CDH4: variants seen among roughly 807,000 people sequenced by gnomAD.
The protein encoded by CDH4 is cadherin 4.
Under a neutral mutation model 86.0 loss-of-function variants are expected in CDH4, and 33 were observed. The observed-to-expected ratio is 0.38, with a 90% CI of 0.29 to 0.51. CDH4 has a LOEUF of 0.51. CDH4 is among the 20% of genes least tolerant of loss of function. The pLI, the probability that CDH4 is intolerant of heterozygous loss-of-function variation, is 0.86. For synonymous variants in CDH4, 555 were observed against 549.4 expected (o/e 1.01, Z -0.14); for missense variants, 1,114 against 1,307.4 (o/e 0.85, Z 2.28).
chr20:61,923,057 C>G (rs1287578432), intron 9 of CDH4, among the ~76,000 whole-genome samples: 1 of 152,236 alleles, frequency 6.6e-6, no homozygotes, highest in Non-Finnish European at 1.5e-5. Flanking sequence ...ACTGGTGAGG[C>G]CCCGCTGGCC....
intron 2 of CDH4, among the ~76,000 whole-genome samples, chr20:61,716,061 G>C (rs1427281454): frequency 3.3e-5 from 5 of 152,216 alleles, no homozygotes; most frequent in Non-Finnish European, 7.3e-5. Flanking sequence ...TCTGGAGGTG[G>C]CTTCTTTTGC....
At chr20:61,475,815 A>G (rs938103240) in intron 2 of CDH4, among the ~76,000 whole-genome samples, 2 of 151,272 alleles carry the variant, frequency 1.3e-5, no homozygotes, top group African/African-American at 4.9e-5. Flanking sequence ...ATCACGAACT[A>G]CAAATGAACA....
intron 4 of CDH4, among the ~76,000 whole-genome samples, chr20:61,843,697 A>G (rs1982292066): frequency 6.6e-6 from 1 of 152,020 alleles, no homozygotes; most frequent in African/African-American, 2.4e-5. Flanking sequence ...TAAAAAAAAA[A>G]AAAAAAAAAA....
intron 2 of CDH4, among the ~76,000 whole-genome samples, chr20:61,669,741 C>T (rs1279384733): frequency 2.6e-5 from 4 of 152,194 alleles, no homozygotes; most frequent in Non-Finnish European, 5.9e-5. Context: ...TCAATCTTCC[C>T]GTACCCTCCG....
intron 7 of CDH4, among the ~76,000 whole-genome samples, chr20:61,891,245 G>A (rs191972359): frequency 2.0e-5 from 3 of 152,320 alleles, no homozygotes; most frequent in Non-Finnish European, 4.4e-5. Context: ...CCTGTTCACT[G>A]TCTCAGCAAC....
At chr20:61,419,736 T>A (rs1206890730) in intron 2 of CDH4, among the ~76,000 whole-genome samples, 2 of 152,120 alleles carry the variant, frequency 1.3e-5, no homozygotes, top group Non-Finnish European at 2.9e-5. Context: ...CCATTCCCTG[T>A]GTCTGGCCAA....
intron 7 of CDH4, among the ~76,000 whole-genome samples, chr20:61,874,183 C>T (rs1487786048): frequency 6.6e-6 from 1 of 152,114 alleles, no homozygotes; most frequent in Non-Finnish European, 1.5e-5. Flanking sequence ...GCTGGGGTCT[C>T]GGGGTCTAGC....
chr20:61,674,578 G>A (rs760113081), intron 2 of CDH4, among the ~76,000 whole-genome samples: 3 of 152,164 alleles, frequency 2.0e-5, no homozygotes, highest in Non-Finnish European at 4.4e-5. Flanking sequence ...GCATAAGAGC[G>A]CTTCTGTATT....
intron 2 of CDH4, among the ~76,000 whole-genome samples, chr20:61,669,355 C>A (rs2087361812): frequency 6.6e-6 from 1 of 152,198 alleles, no homozygotes. Context: ...CATCTGGTGA[C>A]CGGCGGGATG....
intron 6 of CDH4, among the ~76,000 whole-genome samples, chr20:61,864,848 T>A (rs1162481784): frequency 6.6e-6 from 1 of 152,160 alleles, no homozygotes; most frequent in Non-Finnish European, 1.5e-5. Flanking sequence ...GCAGCAGTTG[T>A]CCTGTTGCCC....
At chr20:61,881,442 C>A (rs577491565) in intron 7 of CDH4, among the ~76,000 whole-genome samples, 4 of 152,212 alleles carry the variant, frequency 2.6e-5, no homozygotes, top group Non-Finnish European at 5.9e-5. Context: ...AGCTCCCCAG[C>A]GAGCCGCTCC....
At chr20:61,696,966 A>T (rs1474266724) in intron 2 of CDH4, among the ~76,000 whole-genome samples, 3 of 152,188 alleles carry the variant, frequency 2.0e-5, no homozygotes, top group South Asian at 2.1e-4. Flanking sequence ...CCGAGACTGG[A>T]CTAATGCAGC....
At chr20:61,364,716 C>T (rs2084802009) in intron 2 of CDH4, among the ~76,000 whole-genome samples, 1 of 152,222 alleles carries the variant, frequency 6.6e-6, no homozygotes, top group South Asian at 2.1e-4. Context: ...CTCTGTCTTG[C>T]TTCTAGTGGA....
chr20:61,924,591 G>A (rs1293892311), intron 11 of CDH4, 115 bp downstream of exon 11: 89 of 1,206,120 alleles, frequency 7.4e-5, no homozygotes, highest in Non-Finnish European at 9.9e-5. Flanking sequence ...GCATCCAGAG[G>A]GTCACCCAGA....
At chr20:61,643,213 G>A (rs543495908) in intron 2 of CDH4, among the ~76,000 whole-genome samples, 1 of 152,296 alleles carries the variant, frequency 6.6e-6, no homozygotes, top group South Asian at 2.1e-4. Flanking sequence ...GAGGGGGGGT[G>A]TAGAGAGAGC....
intron 2 of CDH4, among the ~76,000 whole-genome samples, chr20:61,511,722 T>C (rs2427147): frequency 0.57 from 87,139 of 152,076 alleles, 25,879 homozygotes; most frequent in African/African-American, 0.72. Context: ...GGCAGAGGTT[T>C]AAGAGAGCTT....
intron 3 of CDH4, among the ~76,000 whole-genome samples, chr20:61,753,734 T>C (rs958656002): frequency 1.3e-5 from 2 of 152,196 alleles, no homozygotes; most frequent in Admixed American, 6.5e-5. Flanking sequence ...TTGTATCTTC[T>C]AGCACACGTC....
At chr20:61,282,589 G>C (rs1165304389) in intron 2 of CDH4, among the ~76,000 whole-genome samples, 3 of 151,194 alleles carry the variant, frequency 2.0e-5, no homozygotes, top group Admixed American at 1.3e-4. Flanking sequence ...ATCTGTACTT[G>C]TACCTGCACA....
intron 2 of CDH4, among the ~76,000 whole-genome samples, chr20:61,547,996 G>C (rs2145668486): frequency 6.6e-6 from 1 of 152,298 alleles, no homozygotes; most frequent in South Asian, 2.1e-4. Context: ...AGGGGAGGGG[G>C]AGGCCTTTGC....
Sources: allele counts gnomAD v4.1 joint callset (sites outside exome capture counted in the v4.1 genomes callset), GRCh38; gene constraint gnomAD v4.1.1; transcripts MANE v1.5; gene names NCBI Gene and HGNC (gene_info 2026-07-23, HGNC 2026-07-21).